The following MGAT4C variants were observed in gnomAD, a reference collection of about 807,000 sequenced individuals.
The protein encoded by MGAT4C is MGAT4 family member C.
Under a neutral mutation model 40.1 loss-of-function variants are expected in MGAT4C, and 19 were observed. The observed-to-expected ratio is 0.47, with a 90% CI of 0.33 to 0.70. MGAT4C has a LOEUF of 0.70. MGAT4C is among the 30% of genes least tolerant of loss of function. The pLI is 0.02. For missense variants in MGAT4C, 491 were observed against 563.2 expected, an observed-to-expected ratio of 0.87 and a Z score of 1.30; for synonymous variants, 181 against 187.1, an observed-to-expected ratio of 0.97 and a Z score of 0.27.
intron 4 of MGAT4C, among the ~76,000 whole-genome samples, chr12:86,286,473 T>A (rs945530491): frequency 6.6e-5 from 10 of 152,210 alleles, no homozygotes; most frequent in African/African-American, 2.4e-4. Flanking sequence ...CCTCACACTA[T>A]TAAGCATGTA....
rs563907550 is a variant in MGAT4C at position 85,970,142 on chromosome 12, C to G, written c.*9147G>C. ...ATTAATATAATTTAGCTACATAATT[C>G]CTAAGGAAATATTAATTCATAAAGA... On this transcript the variant is annotated 3_prime_UTR_variant, in exon 5 of 5. Transcript: ENST00000611864. 1 of 151,108 alleles carries G rather than the reference C, an allele frequency of 6.6e-6. No homozygotes were observed. Among genetic ancestry groups the G allele is most frequent in the African/African-American group, 2.4e-5 (1 of 41,270 alleles). The allele number at this position is 151,108 out of a possible 1,614,324, so 9.4% of individuals were successfully genotyped here. A position where few individuals can be genotyped will look rare whatever the true frequency, so the allele number is the denominator to read the frequency against.
At chr12:86,219,101 A>G (rs1333653561) in intron 1 of MGAT4C, among the ~76,000 whole-genome samples, 1 of 152,008 alleles carries the variant, frequency 6.6e-6, no homozygotes, top group Non-Finnish European at 1.5e-5. Context: ...AATCACTTGA[A>G]CCCAGGAGGT....
chr12:86,137,027 T>C (rs568212541), intron 1 of MGAT4C, among the ~76,000 whole-genome samples: 1 of 152,140 alleles, frequency 6.6e-6, no homozygotes, highest in Non-Finnish European at 1.5e-5. Context: ...GATTATTATA[T>C]GCGAAATCCT....
At chr12:86,658,161 A>G (rs2136544173) in intron 2 of MGAT4C, among the ~76,000 whole-genome samples, 1 of 152,152 alleles carries the variant, frequency 6.6e-6, no homozygotes, top group East Asian at 1.9e-4. Flanking sequence ...TACAAAATGT[A>G]CTGTTAGCAT....
intron 1 of MGAT4C, among the ~76,000 whole-genome samples, chr12:86,796,995 T>C (rs553665938): frequency 2.8e-4 from 43 of 152,018 alleles, no homozygotes; most frequent in African/African-American, 9.9e-4. Flanking sequence ...GTGGTAGGGA[T>C]GGATGGCTTA....
chr12:86,307,028 G>T (rs1450666073), intron 4 of MGAT4C, among the ~76,000 whole-genome samples: 1 of 150,366 alleles, frequency 6.7e-6, no homozygotes, highest in East Asian at 1.9e-4. Context: ...TTTTTAGAAT[G>T]ATTTTTCTAG....
At chr12:86,391,613 C>G (rs1956161231) in intron 3 of MGAT4C, among the ~76,000 whole-genome samples, 1 of 152,134 alleles carries the variant, frequency 6.6e-6, no homozygotes, top group African/African-American at 2.4e-5. Flanking sequence ...AATCCCACTA[C>G]TTTGGGAGGC....
chr12:86,429,122 G>A (rs917429177), intron 3 of MGAT4C, among the ~76,000 whole-genome samples: 6 of 151,946 alleles, frequency 3.9e-5, no homozygotes, highest in East Asian at 1.9e-4. Context: ...TATTAGAACC[G>A]CTTTTTGCTG....
Position 85,973,322 on chromosome 12 carries a change from A to T in MGAT4C, c.*5967T>A, listed in dbSNP as rs1339729065. On this transcript the variant is annotated 3_prime_UTR_variant, in exon 5 of 5. Coordinates refer to ENST00000611864, the MANE Select transcript of MGAT4C (RefSeq NM_001351288.2). ...CTTTATATATGCATTTATTTTGGTA[A>T]TTTTTATACATCAAAACTATAATTA... 1 of 150,816 alleles carries T rather than the reference A, an allele frequency of 6.6e-6. No individual in the cohort carries two copies. Among genetic ancestry groups the T allele is most frequent in the African/African-American group, 2.4e-5 (1 of 41,332 alleles). 9.3% of individuals were successfully genotyped at this position (150,816 alleles called of 1,614,324 possible). A position where few individuals can be genotyped will look rare whatever the true frequency, so the allele number is the denominator to read the frequency against.
intron 1 of MGAT4C, among the ~76,000 whole-genome samples, chr12:86,148,428 T>C (rs116133592): frequency 9.2e-5 from 14 of 152,332 alleles, no homozygotes; most frequent in African/African-American, 3.4e-4. Context: ...AAAATTACCC[T>C]GATTGGCCAC....
chr12:86,102,148 C>A lies in MGAT4C; in HGVS notation c.-56-52425G>T, dbSNP rs1299014795. Among the ~76,000 whole-genome samples, 4 of 151,784 alleles carry A rather than the reference C, an allele frequency of 2.6e-5. No individual in the cohort carries two copies. In the East Asian group the frequency reaches 7.7e-4, roughly 29 times the overall value. ...ATATAAACAGTTAGTGGGAGAGGAA[C>A]CAAATGCTGATGTAAACTTGAATAA... On this transcript the variant is annotated intron_variant, in intron 1 of 4. Coordinates refer to ENST00000611864, the MANE Select transcript of MGAT4C (RefSeq NM_001351288.2).
intron 2 of MGAT4C, among the ~76,000 whole-genome samples, chr12:86,439,335 A>G (rs1403584888): frequency 6.6e-6 from 1 of 152,034 alleles, no homozygotes; most frequent in Non-Finnish European, 1.5e-5. Context: ...CCTCAAAACT[A>G]TACAAATACA....
intron 1 of MGAT4C, among the ~76,000 whole-genome samples, chr12:86,150,163 T>G (rs184213248): frequency 6.6e-6 from 1 of 152,272 alleles, no homozygotes; most frequent in South Asian, 2.1e-4. Context: ...TTCACAATAG[T>G]GTTCTTGCTC....
In MGAT4C at chr12:86,316,190, G is replaced by T. The variant is rs545103666; in HGVS notation, c.-57+17875C>A. On this transcript the variant is annotated intron_variant, in intron 4 of 7. Coordinates refer to the MGAT4C transcript ENST00000548651. ...GAGACACCATCTCATCAGTCAGAATGGCCATCACTAAAATGTCAAAGAAAC... is the reference window on the plus strand; with the variant it reads ...GAGACACCATCTCATCAGTCAGAATTGCCATCACTAAAATGTCAAAGAAAC... Among the ~76,000 whole-genome samples the T allele has an allele frequency of 3.3e-5, 5 of 150,352 alleles. No individual in the cohort carries two copies. In the East Asian group the frequency reaches 1.0e-3, roughly 30 times the overall value.
intron 4 of MGAT4C, among the ~76,000 whole-genome samples, chr12:86,275,944 CAAAAAAAAAAAAAA>C (rs748476574): frequency 5.8e-5 from 4 of 69,180 alleles, no homozygotes; most frequent in African/African-American, 1.1e-4. Context: ...ACTAAAAATC[CAAAAAAAAAAAAAA>C]AAAAAAAAAA....
chr12:86,034,467 A>C lies in MGAT4C; in HGVS notation c.-7+15207T>G, dbSNP rs889104075. Among the ~76,000 whole-genome samples, 65 of 149,198 alleles carry C rather than the reference A, an allele frequency of 4.4e-4. 1 individual carries two copies. Among genetic ancestry groups the C allele is most frequent in the African/African-American group, 1.6e-3 (65 of 41,274 alleles). The stretch of plus-strand genomic sequence containing the variant: ...CAGGGATTCACTTTCTTTCTGGTTC[A>C]ATTTGGGAGGTTATATCTCTCAGAA... On this transcript the variant is annotated intron_variant, in intron 2 of 4. Transcript: ENST00000611864.
At chr12:86,250,012 G>A (rs1952201202) in intron 1 of MGAT4C, among the ~76,000 whole-genome samples, 1 of 152,108 alleles carries the variant, frequency 6.6e-6, no homozygotes, top group South Asian at 2.1e-4. Flanking sequence ...GAGAGCAGTG[G>A]TGGTGCTCTG....
intron 2 of MGAT4C, among the ~76,000 whole-genome samples, chr12:86,589,562 C>A (rs1176737859): frequency 5.9e-5 from 9 of 151,940 alleles, no homozygotes; most frequent in Non-Finnish European, 1.5e-5. Flanking sequence ...ATGAGGCCAG[C>A]ATCATCCTGA....
At position 86,029,712 on chromosome 12, in the gene MGAT4C, G is replaced by A. The variant is rs1234548967; in HGVS notation, c.-7+19962C>T. Among the ~76,000 whole-genome samples, 4 of 151,850 alleles carry A rather than the reference G, an allele frequency of 2.6e-5. No homozygotes were observed. The East Asian group carries it at 7.7e-4, about 29-fold the overall frequency. On this transcript the variant is annotated intron_variant, in intron 2 of 4. Coordinates refer to ENST00000611864, the MANE Select transcript of MGAT4C (RefSeq NM_001351288.2). ...TACTGTTGCCCATGATATTAGTGATGACACTTTATTTATACCTAATGAGGA... is the reference window on the plus strand; with the variant it reads ...TACTGTTGCCCATGATATTAGTGATAACACTTTATTTATACCTAATGAGGA...
Sources: gnomAD v4.1 joint callset for allele counts (sites outside exome capture counted in the v4.1 genomes callset) on GRCh38, gnomAD v4.1.1 for gene constraint, MANE v1.5 for transcripts, NCBI Gene and HGNC (gene_info 2026-07-23, HGNC 2026-07-21) for gene names.